DOCK2: variants seen among roughly 807,000 people sequenced by gnomAD.
DOCK2 encodes the protein dedicator of cytokinesis 2.
Under a neutral mutation model 248.9 loss-of-function variants are expected in DOCK2, and 87 were observed. The ratio of observed to expected loss-of-function variants is 0.35; its 90% CI spans 0.29 to 0.42. The LOEUF is 0.42. DOCK2 is among the 10% of genes least tolerant of loss of function. DOCK2 has a pLI of 1.00. For missense variants in DOCK2, 1,747 were observed against 2,300.2 expected (o/e 0.76, Z 4.92); for synonymous variants, 805 against 821.6 (o/e 0.98, Z 0.35).
intron 32 of DOCK2, among the ~76,000 whole-genome samples, chr5:170,010,633 A>C (rs1755249994): frequency 1.3e-5 from 2 of 152,162 alleles, no homozygotes; most frequent in Non-Finnish European, 2.9e-5. Flanking sequence ...TTTTCAATGT[A>C]TTTTCCAATT....
At chr5:170,049,450 G>A (rs1486270315) in intron 40 of DOCK2, among the ~76,000 whole-genome samples, 3 of 152,202 alleles carry the variant, frequency 2.0e-5, no homozygotes, top group Admixed American at 6.5e-5. Context: ...AGGCTCCTTG[G>A]ATGATCAGCC....
intron 27 of DOCK2, among the ~76,000 whole-genome samples, chr5:169,856,503 C>T (rs560974137): frequency 6.6e-6 from 1 of 152,324 alleles, no homozygotes; most frequent in Non-Finnish European, 1.5e-5. Context: ...TTGAAACCCA[C>T]TCCAGGTCAG....
Position 169,695,904 on chromosome 5 carries a change from C to T in DOCK2, c.945C>T (p.Cys315=). Residue 315 remains cysteine (C), a synonymous_variant, in exon 10 of 52, where the codon TGC becomes TGT. Coordinates refer to ENST00000520908, the MANE Select transcript of DOCK2 (RefSeq NM_004946.3). Reference sequence around the variant, plus strand: ...TTAAGGATACTGGTGCAAAGAAGTGCACGCAGGGACTGAGGAGGCCCTTTG... The same window carrying T: ...TTAAGGATACTGGTGCAAAGAAGTGTACGCAGGGACTGAGGAGGCCCTTTG... ...MDLKDTGAKK[C]TQGLRRPFGV... 2 of 1,613,092 alleles carry T rather than the reference C, an allele frequency of 1.2e-6. No homozygotes were observed.
At chr5:169,907,596 C>G (rs2113607698) in intron 27 of DOCK2, among the ~76,000 whole-genome samples, 1 of 152,284 alleles carries the variant, frequency 6.6e-6, no homozygotes, top group South Asian at 2.1e-4. Context: ...ACAAACAACC[C>G]AGTATGTTGG....
chr5:169,739,771 C>G (rs1248758536), intron 22 of DOCK2, among the ~76,000 whole-genome samples: 1 of 152,174 alleles, frequency 6.6e-6, no homozygotes, highest in Admixed American at 6.5e-5. Flanking sequence ...CCAACTTCTT[C>G]TTGGCACCCA....
chr5:169,872,353 C>T (rs753888327), intron 27 of DOCK2, among the ~76,000 whole-genome samples: 2 of 152,216 alleles, frequency 1.3e-5, no homozygotes, highest in African/African-American at 2.4e-5. Flanking sequence ...TCTCGGATCA[C>T]AGGAACTTTA....
intron 22 of DOCK2, among the ~76,000 whole-genome samples, chr5:169,737,658 G>A (rs939771425): frequency 2.0e-5 from 3 of 152,042 alleles, no homozygotes; most frequent in Admixed American, 6.5e-5. Context: ...ATCACCAATG[G>A]CCAATGCTAC....
At position 169,993,549 on chromosome 5, in the gene DOCK2, T is replaced by TTGTGTGTGTGTGTGTGTGTGTGTGTG. The variant is rs10626609; in HGVS notation, c.2994-2535_2994-2510dup. 1.1e-4 allele frequency among the ~76,000 whole-genome samples: 17 copies of TTGTGTGTGTGTGTGTGTGTGTGTGTG among 149,480 alleles called. 1 individual carries two copies. Among genetic ancestry groups the TTGTGTGTGTGTGTGTGTGTGTGTGTG allele is most frequent in the African/African-American group, 3.9e-4 (16 of 40,574 alleles). ...TAACAAAGCCAGAAATCACATCCAT[T>TTGTGTGTGTGTGTGTGTGTGTGTGTG]TGTGTGTGTGTGTGTGTGTGTGTGT... On this transcript the variant is annotated intron_variant, in intron 29 of 51. Coordinates refer to ENST00000520908, the MANE Select transcript of DOCK2 (RefSeq NM_004946.3).
intron 8 of DOCK2, among the ~76,000 whole-genome samples, chr5:169,686,090 T>C (rs2113379062): frequency 6.6e-6 from 1 of 152,300 alleles, no homozygotes; most frequent in Non-Finnish European, 1.5e-5. Flanking sequence ...GTGTCCCTGG[T>C]CCCTTACGCC....
In DOCK2 at chr5:169,870,575, C is replaced by T. The variant is rs183010793; in HGVS notation, c.2799+29723C>T. Reference sequence around the variant, plus strand: ...GTATTTTAGATCTGTGGGTTTTTTTCTTCTTTTTTTAATTTTTTGATTTTT... The same window carrying T: ...GTATTTTAGATCTGTGGGTTTTTTTTTTCTTTTTTTAATTTTTTGATTTTT... On this transcript the variant is annotated intron_variant, in intron 27 of 51. Transcript: ENST00000520908. Among the ~76,000 whole-genome samples, 56 of 151,608 alleles carry T rather than the reference C, an allele frequency of 3.7e-4. No individual in the cohort carries two copies. The East Asian group carries it at 6.8e-3, about 18-fold the overall frequency.
intron 26 of DOCK2, among the ~76,000 whole-genome samples, chr5:169,839,431 T>TAA (rs1181004939): frequency 6.6e-6 from 1 of 152,182 alleles, no homozygotes; most frequent in Non-Finnish European, 1.5e-5. Flanking sequence ...ACCTGGCAAA[T>TAA]ACAGCATTGA....
intron 38 of DOCK2, among the ~76,000 whole-genome samples, chr5:170,045,514 C>T (rs774129112): frequency 1.2e-4 from 19 of 152,058 alleles, no homozygotes; most frequent in Admixed American, 4.6e-4. Flanking sequence ...GTTTCTGACC[C>T]GGACAATGAA....
chr5:169,705,441 A>G (rs1300241627), intron 14 of DOCK2, among the ~76,000 whole-genome samples: 1 of 152,132 alleles, frequency 6.6e-6, no homozygotes, highest in Non-Finnish European at 1.5e-5. Flanking sequence ...GGTTAAGACC[A>G]TGACCCCTGG....
At chr5:169,781,290 G>T (rs370460207) in intron 25 of DOCK2, among the ~76,000 whole-genome samples, 1 of 152,174 alleles carries the variant, frequency 6.6e-6, no homozygotes, top group Non-Finnish European at 1.5e-5. Context: ...TCTCATCAAG[G>T]TTATAACAAA....
intron 26 of DOCK2, among the ~76,000 whole-genome samples, chr5:169,816,719 G>A (rs1768088296): frequency 6.6e-6 from 1 of 151,720 alleles, no homozygotes; most frequent in Non-Finnish European, 1.5e-5. Flanking sequence ...TACATAGTAG[G>A]TGTATGTATT....
chr5:170,025,832 C>CTTCT (rs1755893089), intron 33 of DOCK2, among the ~76,000 whole-genome samples: 2 of 124,976 alleles, frequency 1.6e-5, no homozygotes, highest in African/African-American at 6.3e-5. Context: ...TCCTTCCTTC[C>CTTCT]TTCCTTCCTT....
intron 1 of DOCK2, among the ~76,000 whole-genome samples, chr5:169,653,851 C>T (rs936750554): frequency 4.6e-5 from 7 of 152,214 alleles, no homozygotes; most frequent in Non-Finnish European, 8.8e-5. Flanking sequence ...AGGCTCTTCA[C>T]ACACTGGGAC....
chr5:169,768,150 C>A (rs1419744432), intron 25 of DOCK2, among the ~76,000 whole-genome samples: 1 of 152,216 alleles, frequency 6.6e-6, no homozygotes, highest in Admixed American at 6.5e-5. Flanking sequence ...GCCAGTTCCA[C>A]CCACGGTCCG....
At chr5:169,743,911 T>C (rs372518462) in intron 22 of DOCK2, among the ~76,000 whole-genome samples, 1 of 148,710 alleles carries the variant, frequency 6.7e-6, no homozygotes, top group East Asian at 1.9e-4. Flanking sequence ...ATTTAAATTA[T>C]AAATTTAAGA....
Sources: gnomAD v4.1 joint callset for allele counts (sites outside exome capture counted in the v4.1 genomes callset) on GRCh38, gnomAD v4.1.1 for gene constraint, MANE v1.5 for transcripts, NCBI Gene and HGNC (gene_info 2026-07-23, HGNC 2026-07-21) for gene names.